SKAP1: variants seen among roughly 807,000 people sequenced by gnomAD.
SKAP1 encodes src kinase-associated phosphoprotein 1.
A neutral mutation model predicts 58.5 loss-of-function variants in SKAP1; 44 were observed. That is an observed-to-expected ratio of 0.75 (90% CI 0.59 to 0.97). The LOEUF is 0.97. Ranked by LOEUF, SKAP1 falls within the 50% of genes least tolerant of loss-of-function variation. The pLI is 0.00. For synonymous variants in SKAP1, 127 were observed against 149.7 expected, an observed-to-expected ratio of 0.85 and a Z score of 1.11; for missense variants, 390 against 435.2, an observed-to-expected ratio of 0.90 and a Z score of 0.92.
At chr17:48,220,867 A>AG (rs1193522593) in intron 4 of SKAP1, among the ~76,000 whole-genome samples, 4 of 122,062 alleles carry the variant, frequency 3.3e-5, no homozygotes, top group Admixed American at 1.8e-4. Flanking sequence ...AAAAAAAAAA[A>AG]AAAAAAAAAA....
At chr17:48,413,428 T>C (rs560084915) in intron 1 of SKAP1, among the ~76,000 whole-genome samples, 34 of 149,742 alleles carry the variant, frequency 2.3e-4, no homozygotes, top group Non-Finnish European at 4.4e-4. Flanking sequence ...GCAGGAGAAC[T>C]GCTTGAACCT....
intron 1 of SKAP1, among the ~76,000 whole-genome samples, chr17:48,405,441 CTTTCTTTCT>C (rs1273023456): frequency 0.01 from 811 of 78,520 alleles, 16 homozygotes; most frequent in Middle Eastern, 0.077. Context: ...TTCTTTCTTT[CTTTCTTTCT>C]TTTCTTTCTT....
At chr17:48,244,439 G>A (rs1336496331) in intron 4 of SKAP1, among the ~76,000 whole-genome samples, 1 of 152,068 alleles carries the variant, frequency 6.6e-6, no homozygotes, top group African/African-American at 2.4e-5. Context: ...CAGCAGATGG[G>A]GTCATAAACA....
chr17:48,170,553 T>C, intron 10 of SKAP1, 56 bp downstream of exon 10: 8 of 1,443,410 alleles, frequency 5.5e-6, no homozygotes, highest in Non-Finnish European at 7.8e-6. Context: ...GTGCTTTCTC[T>C]AATCAGAAGC....
chr17:48,338,947 T>A (rs1567874077), intron 4 of SKAP1, among the ~76,000 whole-genome samples: 1 of 152,204 alleles, frequency 6.6e-6, no homozygotes, highest in Non-Finnish European at 1.5e-5. Context: ...TGATCCTGAG[T>A]GACAGTTTAC....
chr17:48,415,345 T>A (rs567546104), intron 1 of SKAP1, among the ~76,000 whole-genome samples: 15 of 132,450 alleles, frequency 1.1e-4, no homozygotes, highest in South Asian at 2.2e-4. Flanking sequence ...CAAAAAAAAA[T>A]TAAAAAATAA....
chr17:48,369,016 G>A (rs774259580), intron 2 of SKAP1, among the ~76,000 whole-genome samples: 26 of 152,134 alleles, frequency 1.7e-4, no homozygotes, highest in East Asian at 9.7e-4. Context: ...GCGTAGTGGC[G>A]CATGCCTGTA....
intron 4 of SKAP1, among the ~76,000 whole-genome samples, chr17:48,320,574 A>G (rs1328195183): frequency 1.3e-5 from 2 of 152,194 alleles, no homozygotes; most frequent in Admixed American, 1.3e-4. Context: ...AAGGCAAAGA[A>G]AACGCAATCA....
At position 48,160,539 on chromosome 17, in the gene SKAP1, A is replaced by G. The variant is rs190096928; in HGVS notation, c.978+1930T>C. ...TTCTTTGAGATTTCTTAAAAATACA[A>G]TAGCCACTGTAACCACAGACAGCTC... On this transcript the variant is annotated intron_variant, in intron 11 of 12. Coordinates refer to ENST00000336915, the MANE Select transcript of SKAP1 (RefSeq NM_003726.4). 9.2e-4 allele frequency among the ~76,000 whole-genome samples: 140 copies of G among 152,200 alleles called. 2 individuals carry two copies. In the East Asian group the frequency reaches 0.017, roughly 18 times the overall value.
upstream of SKAP1, among the ~76,000 whole-genome samples, chr17:48,434,510 C>G (rs1230255268): frequency 2.6e-5 from 4 of 152,188 alleles, no homozygotes; most frequent in Non-Finnish European, 5.9e-5. Context: ...GTCTCCCCTT[C>G]CAGCTCACAC....
rs184938669 is a variant in SKAP1, at chr17:48,343,086, A to G, written c.280+2819T>C. 3.2e-3 allele frequency among the ~76,000 whole-genome samples: 486 copies of G among 152,248 alleles called. 1 individual carries two copies. Among genetic ancestry groups the G allele is most frequent in the Middle Eastern group, 6.8e-3 (2 of 294 alleles). On this transcript the variant is annotated intron_variant, in intron 4 of 12. Coordinates refer to ENST00000336915, the MANE Select transcript of SKAP1 (RefSeq NM_003726.4). ...TAACTTTATATTTTTTTATTTGTCT[A>G]CTTATTAATAGTTTTCCCAGTGAGA...
intron 2 of SKAP1, among the ~76,000 whole-genome samples, chr17:48,386,894 G>A (rs1471373775): frequency 2.0e-5 from 3 of 152,310 alleles, no homozygotes; most frequent in East Asian, 3.9e-4. Context: ...TAAATATTCA[G>A]TAGAAGAACA....
chr17:48,216,743 C>T (rs1305797810), intron 4 of SKAP1, among the ~76,000 whole-genome samples: 2 of 152,128 alleles, frequency 1.3e-5, no homozygotes, highest in African/African-American at 2.4e-5. Context: ...TCAACCACCT[C>T]GGCCTCCCAA....
chr17:48,170,678 AG>A lies in SKAP1; in HGVS notation c.827-20del, dbSNP rs763374959. ...TCTTCATCTGGGGGGATAAATGATC[AG>A]TATTAGCAATTAGTGGTTCACAGTC... On this transcript the variant is annotated intron_variant, in intron 9 of 12. Coordinates refer to ENST00000336915, the MANE Select transcript of SKAP1 (RefSeq NM_003726.4). 6.3e-7 allele frequency: 1 copy of A among 1,597,656 alleles called. No individual in the cohort carries two copies. Among genetic ancestry groups the A allele is most frequent in the African/African-American group, 1.3e-5 (1 of 74,078 alleles).
At chr17:48,222,730 G>A (rs1432491005) in intron 4 of SKAP1, among the ~76,000 whole-genome samples, 2 of 151,124 alleles carry the variant, frequency 1.3e-5, no homozygotes, top group African/African-American at 4.9e-5. Context: ...CGCCCACCTC[G>A]GCCTCCCAAA....
chr17:48,206,502 G>A (rs1379618417), intron 4 of SKAP1, among the ~76,000 whole-genome samples: 1 of 151,874 alleles, frequency 6.6e-6, no homozygotes, highest in African/African-American at 2.4e-5. Context: ...TATAAGGGTT[G>A]ACGTAAATAA....
At chr17:48,276,769 T>C (rs187113966) in intron 4 of SKAP1, among the ~76,000 whole-genome samples, 70 of 152,362 alleles carry the variant, frequency 4.6e-4, no homozygotes, top group Admixed American at 1.4e-3. Flanking sequence ...TGAGGTATCA[T>C]CAGTACTTTC....
At chr17:48,261,136 GCAGGGGTCAGTC>G (rs1395043119) in intron 4 of SKAP1, among the ~76,000 whole-genome samples, 2 of 152,136 alleles carry the variant, frequency 1.3e-5, no homozygotes, top group Non-Finnish European at 2.9e-5. Flanking sequence ...TCCTAGGAGG[GCAGGGGTCAGTC>G]CTTGACAATT....
chr17:48,176,333 G>A (rs2064289518), intron 9 of SKAP1, among the ~76,000 whole-genome samples: 1 of 152,182 alleles, frequency 6.6e-6, no homozygotes, highest in Admixed American at 6.5e-5. Flanking sequence ...GGTCTCAGAC[G>A]TCTTGCTGGA....
Sources: allele counts gnomAD v4.1 joint callset (sites outside exome capture counted in the v4.1 genomes callset), GRCh38; gene constraint gnomAD v4.1.1; transcripts MANE v1.5; gene names NCBI Gene and HGNC (gene_info 2026-07-23, HGNC 2026-07-21).